COL6A6: variants seen among roughly 807,000 people sequenced by gnomAD.
The protein encoded by COL6A6 is collagen type VI alpha 6 chain, also known as collagen alpha-6(VI) chain.
In COL6A6, 183 loss-of-function variants were observed where a neutral mutation model predicts 208.6. The ratio of observed to expected loss-of-function variants is 0.88; its 90% CI spans 0.78 to 0.99. The LOEUF is 0.99. Among genes scored for constraint, COL6A6 ranks in the 50% least tolerant of loss-of-function variants. The pLI is 0.00. For missense variants in COL6A6, 2,816 were observed against 2,815.2 expected (o/e 1.00, Z -0.01); for synonymous variants, 973 against 1,011.8 (o/e 0.96, Z 0.73).
chr3:130,578,261 A>G (rs1258634901), intron 8 of COL6A6, among the ~76,000 whole-genome samples: 1 of 152,188 alleles, frequency 6.6e-6, no homozygotes, highest in African/African-American at 2.4e-5. Flanking sequence ...CAACCTCAGG[A>G]TTTGATTCAA....
intron 2 of COL6A6, among the ~76,000 whole-genome samples, chr3:130,562,316 T>C (rs966016981): frequency 6.6e-6 from 1 of 152,218 alleles, no homozygotes; most frequent in Non-Finnish European, 1.5e-5. Context: ...AAAACTTATA[T>C]TTTTAATGGA....
At chr3:130,600,169 G>A (rs1345634271) in intron 20 of COL6A6, among the ~76,000 whole-genome samples, 2 of 152,186 alleles carry the variant, frequency 1.3e-5, no homozygotes, top group East Asian at 3.9e-4. Flanking sequence ...CAAATTGTAT[G>A]ACTATTAAGA....
intron 35 of COL6A6, among the ~76,000 whole-genome samples, chr3:130,663,143 A>C (rs950668808): frequency 6.6e-6 from 1 of 152,186 alleles, no homozygotes; most frequent in African/African-American, 2.4e-5. Flanking sequence ...TGTGCCTCTG[A>C]TATTACGTGG....
At chr3:130,652,456 C>T (rs1354087639) in intron 33 of COL6A6, among the ~76,000 whole-genome samples, 1 of 152,166 alleles carries the variant, frequency 6.6e-6, no homozygotes, top group Non-Finnish European at 1.5e-5. Context: ...GTCAGAATTG[C>T]TCCCAAGTTT....
At chr3:130,671,008 G>A (rs1287174055) in intron 36 of COL6A6, among the ~76,000 whole-genome samples, 3 of 152,180 alleles carry the variant, frequency 2.0e-5, no homozygotes, top group Non-Finnish European at 2.9e-5. Flanking sequence ...CCAGCCAAGG[G>A]AAGAGGGGAG....
intron 8 of COL6A6, among the ~76,000 whole-genome samples, chr3:130,575,855 C>G (rs1357098508): frequency 6.6e-6 from 1 of 152,168 alleles, no homozygotes; most frequent in African/African-American, 2.4e-5. Context: ...ATCATCACCT[C>G]CCCAACCAAG....
chr3:130,538,989 A>C (rs1238959981), intron 1 of COL6A6, among the ~76,000 whole-genome samples: 1 of 152,220 alleles, frequency 6.6e-6, no homozygotes, highest in African/African-American at 2.4e-5. Flanking sequence ...TAACAGAAGT[A>C]GGTCTGTAAA....
chr3:130,608,969 A>G lies in COL6A6; in HGVS notation c.4752+5A>G, dbSNP rs1190008282. On this transcript the variant is annotated splice_donor_5th_base_variant and intron_variant, in intron 22 of 36. Transcript: ENST00000358511. ...CTGGGACTTAAGGGCCCTCAGGTAC[A>G]TATCAAGACCAATCAGGGTGTGAGA... The G allele has an allele frequency of 5.6e-6, 9 of 1,608,450 alleles. No homozygotes were observed. In the Admixed American group the frequency reaches 1.3e-4, roughly 24 times the overall value.
intron 1 of COL6A6, among the ~76,000 whole-genome samples, chr3:130,531,128 G>A (rs921176445): frequency 6.8e-6 from 1 of 147,318 alleles, no homozygotes; most frequent in African/African-American, 2.5e-5. Context: ...TATTGATTTT[G>A]TTTCGCTGGA....
chr3:130,534,353 G>T (rs753839658), intron 1 of COL6A6, among the ~76,000 whole-genome samples: 1 of 152,032 alleles, frequency 6.6e-6, no homozygotes, highest in Non-Finnish European at 1.5e-5. Flanking sequence ...TCATCTTTCT[G>T]CTGGAGTCAG....
At chr3:130,660,660 T>C (rs2065909963) in intron 34 of COL6A6, among the ~76,000 whole-genome samples, 1 of 152,232 alleles carries the variant, frequency 6.6e-6, no homozygotes, top group South Asian at 2.1e-4. Flanking sequence ...TACAGAACTA[T>C]GCTGAACTGA....
At chr3:130,556,940 T>C (rs905224791) in intron 1 of COL6A6, among the ~76,000 whole-genome samples, 1 of 152,230 alleles carries the variant, frequency 6.6e-6, no homozygotes, top group Admixed American at 6.5e-5. Flanking sequence ...GCGTTCAGTG[T>C]TCAAATGTGC....
chr3:130,617,984 GT>G (rs1217619533), intron 23 of COL6A6, among the ~76,000 whole-genome samples: 1 of 152,172 alleles, frequency 6.6e-6, no homozygotes, highest in Non-Finnish European at 1.5e-5. Flanking sequence ...CACTAAAGCA[GT>G]TGTGGTTGCC....
chr3:130,617,764 A>C (rs112842524), intron 23 of COL6A6, among the ~76,000 whole-genome samples: 1 of 152,108 alleles, frequency 6.6e-6, no homozygotes, highest in South Asian at 2.1e-4. Context: ...CCCCCACACA[A>C]ATAAAAACAA....
At chr3:130,549,049 G>A (rs13060443) in intron 1 of COL6A6, among the ~76,000 whole-genome samples, 104,446 of 152,168 alleles carry the variant, frequency 0.69, 39,512 homozygotes, top group Non-Finnish European at 0.85. Context: ...TAATTTTATC[G>A]CATTTATACT....
Position 130,544,850 on chromosome 3 carries a change from C to T in COL6A6, c.-31-15484C>T, listed in dbSNP as rs147750605. 9.5e-3 allele frequency among the ~76,000 whole-genome samples: 1,443 copies of T among 152,200 alleles called. 27 individuals carry two copies. The highest frequency in any genetic ancestry group is 0.032 in the African/African-American group (1,311 of 41,536). Reference sequence around the variant, plus strand: ...GTCATCTTTGGAAAAATTTCTGTTCCGGTCCTTTACCCATTTTTTATTCAG... The same window carrying T: ...GTCATCTTTGGAAAAATTTCTGTTCTGGTCCTTTACCCATTTTTTATTCAG... On this transcript the variant is annotated intron_variant, in intron 1 of 36. Transcript: ENST00000358511.
In COL6A6 at chr3:130,530,549, C is replaced by T. The variant is rs577974872; in HGVS notation, c.-32+13152C>T. ...TTAACTGTTAGTATTATTAACTGTG[C>T]AACTCTGGGAAAATTTATTCTCTGA... On this transcript the variant is annotated intron_variant, in intron 1 of 36. Coordinates refer to ENST00000358511, the MANE Select transcript of COL6A6 (RefSeq NM_001102608.3). Among the ~76,000 whole-genome samples the T allele has an allele frequency of 9.7e-4, 147 of 152,312 alleles. 1 individual carries two copies. Among genetic ancestry groups the T allele is most frequent in the African/African-American group, 3.4e-3 (140 of 41,580 alleles).
intron 25 of COL6A6, 97 bp downstream of exon 25, chr3:130,626,644 T>A: frequency 1.2e-6 from 1 of 841,484 alleles, no homozygotes; most frequent in East Asian, 2.4e-5. Context: ...AAGGATACAA[T>A]CCTCATGAAG....
intron 1 of COL6A6, among the ~76,000 whole-genome samples, chr3:130,531,061 G>GTCTCTCTCTCTCTCTCTCTCTCTC (rs10662894): frequency 2.2e-5 from 3 of 136,584 alleles, no homozygotes; most frequent in African/African-American, 8.7e-5. Context: ...CACACACACA[G>GTCTCTCTCTCTCTCTCTCTCTCTC]TCTCTCTCTC....
Sources: allele counts gnomAD v4.1 joint callset (sites outside exome capture counted in the v4.1 genomes callset), GRCh38; gene constraint gnomAD v4.1.1; transcripts MANE v1.5; gene names NCBI Gene and HGNC (gene_info 2026-07-23, HGNC 2026-07-21).